The following MED19 variants were observed in gnomAD, a reference collection of about 807,000 sequenced individuals.
MED19 encodes mediator complex subunit 19.
In MED19, 4 loss-of-function variants were observed where a neutral mutation model predicts 19.9. The ratio of observed to expected loss-of-function variants is 0.20; its 90% CI spans 0.10 to 0.46. The LOEUF (loss-of-function observed/expected upper bound fraction) is 0.46, where lower values mean the gene tolerates loss of function less well. MED19 is among the 20% of genes least tolerant of loss of function. MED19 has a pLI of 0.99. For synonymous variants in MED19, 139 were observed against 119.6 expected, an observed-to-expected ratio of 1.16 and a Z score of -1.06; for missense variants, 303 against 318.7, an observed-to-expected ratio of 0.95 and a Z score of 0.38.
At chr11:57,704,202 A>T in intron 4 of MED19, 96 bp from the exon 5 acceptor site, 1 of 1,526,444 alleles carries the variant, frequency 6.6e-7, no homozygotes, top group Non-Finnish European at 8.7e-7. Context: ...TTGGGTTTTC[A>T]ATCTTGGGTC....
At chr11:57,705,995 CTT>C (rs761219613) in intron 1 of MED19, among the ~76,000 whole-genome samples, 15 of 143,586 alleles carry the variant, frequency 1.0e-4, no homozygotes, top group South Asian at 2.2e-4. Context: ...TTGTCAAGGA[CTT>C]TTTTTTTTTT....
chr11:57,709,276 G>A (rs1040550960), intron 1 of MED19, among the ~76,000 whole-genome samples: 3 of 151,060 alleles, frequency 2.0e-5, no homozygotes, highest in Non-Finnish European at 4.4e-5. Flanking sequence ...AACTACTCGG[G>A]AGGCTGAGGC....
intron 1 of MED19, 147 bp from the exon 2 acceptor site, chr11:57,705,376 A>T: frequency 1.0e-6 from 1 of 960,756 alleles, no homozygotes; most frequent in East Asian, 2.7e-5. Context: ...AGCAGGCCGG[A>T]TGCAGTGGCT....
At chr11:57,703,885 TTTAC>T in exon 5 of MED19, 2 of 1,210,318 alleles carry the variant, frequency 1.7e-6, no homozygotes, top group South Asian at 3.7e-5. Context: ...TCTCTCCTAA[TTTAC>T]TTAGTCTCAA....
chr11:57,707,815 A>G (rs1297314747), intron 1 of MED19, among the ~76,000 whole-genome samples: 2 of 152,110 alleles, frequency 1.3e-5, no homozygotes, highest in African/African-American at 4.8e-5. Flanking sequence ...AGTTTTGACT[A>G]TTCTACAAAG....
chr11:57,708,307 TTGAC>T (rs1337611158), intron 1 of MED19, among the ~76,000 whole-genome samples: 1 of 152,116 alleles, frequency 6.6e-6, no homozygotes, highest in East Asian at 1.9e-4. Flanking sequence ...TCAAATTCCT[TTGAC>T]TGGCACTCAA....
chr11:57,711,775 A>G (rs531228080), intron 1 of MED19, among the ~76,000 whole-genome samples, 188 bp downstream of exon 1: 1 of 152,000 alleles, frequency 6.6e-6, no homozygotes, highest in South Asian at 2.1e-4. Context: ...GTTGAATTCA[A>G]CTCATCCTGG....
chr11:57,711,245 G>A (rs1590883386), intron 1 of MED19, among the ~76,000 whole-genome samples: 1 of 152,206 alleles, frequency 6.6e-6, no homozygotes, highest in East Asian at 1.9e-4. Flanking sequence ...AACCTTAGAA[G>A]GAAGAATGGC....
intron 1 of MED19, among the ~76,000 whole-genome samples, chr11:57,711,528 G>GT (rs1450027572): frequency 1.3e-5 from 2 of 152,154 alleles, no homozygotes; most frequent in African/African-American, 2.4e-5. Flanking sequence ...TAATTTTTGT[G>GT]TTTTTTGTGG....
chr11:57,711,510 C>T (rs1371031164), intron 1 of MED19, among the ~76,000 whole-genome samples: 1 of 152,156 alleles, frequency 6.6e-6, no homozygotes, highest in Non-Finnish European at 1.5e-5. Flanking sequence ...TACGCCACCA[C>T]GCCCAGGTAA....
Position 57,707,593 on chromosome 11 carries a change from C to G in MED19, c.218-2364G>C, listed in dbSNP as rs1055333631. Among the ~76,000 whole-genome samples the G allele has an allele frequency of 7.9e-5, 12 of 152,110 alleles. 1 individual carries two copies. The highest frequency in any genetic ancestry group is 6.2e-4 in the South Asian group (3 of 4,828). Reference sequence around the variant, plus strand: ...TCATCCTTTTCCTTCCCTTTACTACCAAACAACTCAGAAGACTGAGCGAGG... The same window carrying G: ...TCATCCTTTTCCTTCCCTTTACTACGAAACAACTCAGAAGACTGAGCGAGG... On this transcript the variant is annotated intron_variant, in intron 1 of 4. Coordinates refer to ENST00000431606, the Ensembl canonical transcript of MED19.
intron 1 of MED19, among the ~76,000 whole-genome samples, chr11:57,709,585 T>G (rs1946541398): frequency 6.6e-6 from 1 of 152,108 alleles, no homozygotes; most frequent in Non-Finnish European, 1.5e-5. Flanking sequence ...TGAGACAGGG[T>G]CTTCCTCTAT....
At chr11:57,709,682 C>T (rs1946542503) in intron 1 of MED19, among the ~76,000 whole-genome samples, 2 of 152,168 alleles carry the variant, frequency 1.3e-5, no homozygotes, top group South Asian at 4.1e-4. Flanking sequence ...CCTCATCTTC[C>T]TAGGTAGCTG....
chr11:57,710,360 T>C (rs1485321438), intron 1 of MED19, among the ~76,000 whole-genome samples: 1 of 152,190 alleles, frequency 6.6e-6, no homozygotes, highest in African/African-American at 2.4e-5. Flanking sequence ...AGACCTTGTG[T>C]CTATAAAAAA....
At chr11:57,711,534 T>C (rs1296609767) in intron 1 of MED19, among the ~76,000 whole-genome samples, 2 of 152,202 alleles carry the variant, frequency 1.3e-5, no homozygotes, top group Non-Finnish European at 2.9e-5. Flanking sequence ...TTGTGTTTTT[T>C]GTGGAGACAG....
chr11:57,708,255 T>TCC (rs1946529879), intron 1 of MED19, among the ~76,000 whole-genome samples: 1 of 152,196 alleles, frequency 6.6e-6, no homozygotes, highest in African/African-American at 2.4e-5. Flanking sequence ...TACTCCTCAG[T>TCC]TCACAAATCT....
chr11:57,704,593 A>G, intron 3 of MED19, 126 bp downstream of exon 3: 4 of 1,601,116 alleles, frequency 2.5e-6, no homozygotes, highest in Non-Finnish European at 3.4e-6. Flanking sequence ...CTTCAGGGGA[A>G]TTTAGGAGTC....
intron 2 of MED19, 46 bp downstream of exon 2, chr11:57,704,927 C>G (rs768743601): frequency 1.2e-6 from 2 of 1,604,358 alleles, no homozygotes; most frequent in South Asian, 2.2e-5. Flanking sequence ...AAACCATCTC[C>G]ATGTTTAGGC....
At chr11:57,710,581 G>C (rs1257759464) in intron 1 of MED19, among the ~76,000 whole-genome samples, 2 of 152,126 alleles carry the variant, frequency 1.3e-5, no homozygotes, top group African/African-American at 4.8e-5. Context: ...ATCTACAATT[G>C]TCTCTCCCTC....
Sources: allele counts gnomAD v4.1 joint callset (sites outside exome capture counted in the v4.1 genomes callset), GRCh38; gene constraint gnomAD v4.1.1; transcripts MANE v1.5; gene names NCBI Gene and HGNC (gene_info 2026-07-23, HGNC 2026-07-21).